The following CAPN14 variants were observed in gnomAD, a reference collection of about 807,000 sequenced individuals.
The protein encoded by CAPN14 is calpain-14.
Under a neutral mutation model 101.3 loss-of-function variants are expected in CAPN14, and 94 were observed. The observed-to-expected ratio is 0.93, with a 90% CI of 0.79 to 1.10. CAPN14 has a LOEUF of 1.10. Ranked by LOEUF, CAPN14 falls within the 50% of genes least tolerant of loss-of-function variation. CAPN14 has a pLI of 0.00. For synonymous variants in CAPN14, 338 were observed against 317.9 expected (o/e 1.06, Z -0.67); for missense variants, 837 against 828.4 (o/e 1.01, Z -0.13).
At chr2:31,189,685 G>T (rs1681082121) in intron 12 of CAPN14, 1 of 673,208 alleles carries the variant, frequency 1.5e-6, no homozygotes, top group East Asian at 2.9e-5. Context: ...GAACCTATCA[G>T]GGGCTACATA....
At chr2:31,221,943 C>A (rs1682872869), upstream of CAPN14, among the ~76,000 whole-genome samples, 1 of 152,204 alleles carries the variant, frequency 6.6e-6, no homozygotes, top group South Asian at 2.1e-4. Flanking sequence ...GTTTTTCACA[C>A]ACAACCCTCT....
chr2:31,215,550 T>G (rs1313642511), intron 1 of CAPN14, among the ~76,000 whole-genome samples: 1 of 152,158 alleles, frequency 6.6e-6, no homozygotes, highest in Non-Finnish European at 1.5e-5. Context: ...TGACCCCCTC[T>G]ACCTCAAATC....
chr2:31,178,616 G>A, intron 17 of CAPN14, 37 bp from the exon 18 acceptor site: 2 of 1,384,490 alleles, frequency 1.4e-6, no homozygotes, highest in Non-Finnish European at 1.9e-6. Flanking sequence ...TCCAGGGAGA[G>A]TTCTATCCAT....
At chr2:31,192,343 CA>C (rs1209741343) in intron 10 of CAPN14, among the ~76,000 whole-genome samples, 1 of 152,180 alleles carries the variant, frequency 6.6e-6, no homozygotes, top group Admixed American at 6.5e-5. Context: ...TTGTCTTGCT[CA>C]GTGCCTGGCC....
intron 14 of CAPN14, 140 bp downstream of exon 14, chr2:31,188,177 CA>C: frequency 2.6e-6 from 2 of 756,924 alleles, no homozygotes; most frequent in Non-Finnish European, 4.5e-6. Flanking sequence ...TGTTAGGATA[CA>C]ACGGGTAATG....
At position 31,186,498 on chromosome 2, in the gene CAPN14, C is replaced by G; in HGVS notation, c.1588-13G>C. On this transcript the variant is annotated splice_polypyrimidine_tract_variant and intron_variant, in intron 15 of 21. Transcript: ENST00000403897. ...TAATCTCTGGATGCTAAATAGAAAGCAGATTGGCAAGAAAAAATAACTGTT... is the reference window on the plus strand; with the variant it reads ...TAATCTCTGGATGCTAAATAGAAAGGAGATTGGCAAGAAAAAATAACTGTT... 6.5e-7 allele frequency: 1 copy of G among 1,543,716 alleles called. No individual in the cohort carries two copies.
chr2:31,211,659 A>T (rs1682407364), intron 1 of CAPN14, among the ~76,000 whole-genome samples: 1 of 93,138 alleles, frequency 1.1e-5, no homozygotes, highest in Non-Finnish European at 2.2e-5. Context: ...TTAAATGAGC[A>T]CGTGTGCATG....
chr2:31,181,401 TC>T (rs1170827970), intron 16 of CAPN14, among the ~76,000 whole-genome samples: 2 of 59,766 alleles, frequency 3.3e-5, no homozygotes, highest in Non-Finnish European at 4.6e-5. Context: ...TTTCTTTTTT[TC>T]TTTCTTTCTT....
chr2:31,206,021 A>C (rs1207236217), intron 1 of CAPN14, among the ~76,000 whole-genome samples: 4 of 108,740 alleles, frequency 3.7e-5, no homozygotes, highest in East Asian at 3.3e-4. Flanking sequence ...CATTATCTTT[A>C]TTTTTTTTAT....
intron 6 of CAPN14, among the ~76,000 whole-genome samples, chr2:31,200,204 C>T (rs910282810): frequency 3.9e-5 from 6 of 152,124 alleles, no homozygotes; most frequent in Non-Finnish European, 5.9e-5. Context: ...GGGGTTTCAC[C>T]ATATTGGCCA....
chr2:31,225,550 A>G (rs1460222740), intron 2 of CAPN14, among the ~76,000 whole-genome samples: 1 of 152,138 alleles, frequency 6.6e-6, no homozygotes. Flanking sequence ...AAAAATGTTC[A>G]TCTTTCAATG....
At position 31,192,112 on chromosome 2, in the gene CAPN14, C is replaced by A; in HGVS notation, c.1115-14G>T. 2.0e-6 allele frequency: 3 copies of A among 1,532,442 alleles called. No individual in the cohort carries two copies. The highest frequency in any genetic ancestry group is 2.6e-6 in the Non-Finnish European group (3 of 1,135,598). The allele number at this position is 1,532,442 out of a possible 1,614,324, so 94.9% of individuals were successfully genotyped here. A position where few individuals can be genotyped will look rare whatever the true frequency, so the allele number is the denominator to read the frequency against. On this transcript the variant is annotated splice_polypyrimidine_tract_variant and intron_variant, in intron 10 of 21. Transcript: ENST00000403897. ...TCCAAAATGTGTCTGGAGCAGAACA[C>A]AGCAAGGTGAGAATGGGCCCCGGAT... is the stretch of plus-strand genomic sequence containing the variant.
At chr2:31,218,203 G>A (rs1682737841), upstream of CAPN14, among the ~76,000 whole-genome samples, 1 of 152,012 alleles carries the variant, frequency 6.6e-6, no homozygotes, top group South Asian at 2.1e-4. Flanking sequence ...GCCCTCCTGT[G>A]GTTGCTCTAG....
rs1231615485 is a variant in CAPN14, at chr2:31,173,526, C to CAG, written c.*1153_*1154dup. On this transcript the variant is annotated 3_prime_UTR_variant, in exon 22 of 22. Transcript: ENST00000403897. ...ATCTCTTAACTAAAATGCTTGGGAC[C>CAG]AGAAGTGTTTCAGATTTCAGGATAT... The CAG allele has an allele frequency of 1.3e-5, 2 of 152,144 alleles. No homozygotes were observed. Among genetic ancestry groups the CAG allele is most frequent in the African/African-American group, 4.8e-5 (2 of 41,420 alleles). The allele number at this position is 152,144 out of a possible 1,614,324, so 9.4% of individuals were successfully genotyped here.
intron 16 of CAPN14, among the ~76,000 whole-genome samples, chr2:31,185,060 A>G (rs1558614827): frequency 6.6e-6 from 1 of 152,224 alleles, no homozygotes; most frequent in Non-Finnish European, 1.5e-5. Context: ...CAGCTTGTTG[A>G]AAACATTCTG....
intron 14 of CAPN14, among the ~76,000 whole-genome samples, 190 bp downstream of exon 14, chr2:31,188,128 C>G (rs906420832): frequency 4.6e-5 from 7 of 152,216 alleles, no homozygotes; most frequent in African/African-American, 1.7e-4. Context: ...GGGTAGTTCT[C>G]TACTCTTTGT....
At chr2:31,196,604 C>T (rs1681480956) in intron 8 of CAPN14, among the ~76,000 whole-genome samples, 1 of 152,174 alleles carries the variant, frequency 6.6e-6, no homozygotes, top group South Asian at 2.1e-4. Flanking sequence ...TATTATACAT[C>T]TTCATAATGA....
chr2:31,183,956 A>G (rs2148675606), intron 16 of CAPN14, among the ~76,000 whole-genome samples: 1 of 151,340 alleles, frequency 6.6e-6, no homozygotes, highest in Non-Finnish European at 1.5e-5. Context: ...ATCTTGGCTC[A>G]CTGCAACCTC....
At chr2:31,221,354 G>A (rs906146130), upstream of CAPN14, among the ~76,000 whole-genome samples, 25 of 152,172 alleles carry the variant, frequency 1.6e-4, no homozygotes, top group East Asian at 1.5e-3. Context: ...AGGCAAGGCA[G>A]GTACAGTGCA....
Sources: allele counts gnomAD v4.1 joint callset (sites outside exome capture counted in the v4.1 genomes callset), GRCh38; gene constraint gnomAD v4.1.1; transcripts MANE v1.5; gene names NCBI Gene and HGNC (gene_info 2026-07-23, HGNC 2026-07-21).